Variants in ENAH observed in about 807,000 individuals in gnomAD.
ENAH encodes the protein protein enabled homolog.
A neutral mutation model predicts 78.7 loss-of-function variants in ENAH; 23 were observed. The observed-to-expected ratio is 0.29, with a 90% CI of 0.21 to 0.41. ENAH has a LOEUF of 0.41. Ranked by LOEUF, ENAH falls within the 10% of genes least tolerant of loss-of-function variation. ENAH has a pLI of 1.00. For synonymous variants in ENAH, 226 were observed against 241.0 expected, an observed-to-expected ratio of 0.94 and a Z score of 0.58; for missense variants, 544 against 691.0, an observed-to-expected ratio of 0.79 and a Z score of 2.39.
chr1:225,544,571 C>T (rs2096604396), intron 3 of ENAH, among the ~76,000 whole-genome samples: 1 of 152,178 alleles, frequency 6.6e-6, no homozygotes, highest in Admixed American at 6.5e-5. Context: ...ATATTTATCA[C>T]AAAAATAGTA....
Position 225,652,823 on chromosome 1 carries a change from G to A in ENAH, c.-133C>T. The A allele has an allele frequency of 4.4e-6, 3 of 675,962 alleles. No homozygotes were observed. The highest frequency in any genetic ancestry group is 6.3e-6 in the Non-Finnish European group (3 of 472,478). The allele number at this position is 675,962 out of a possible 1,614,324, so 41.9% of individuals were successfully genotyped here. ...CAAGTGTCCGGCTCCTCCTTCGGCG[G>A]CCAGGGGGCTACACCATCTCCTCGC... On this transcript the variant is annotated 5_prime_UTR_variant, in exon 1 of 14. Transcript: ENST00000366843.
intron 1 of ENAH, among the ~76,000 whole-genome samples, chr1:225,583,433 CAAAAAAAA>C (rs67324652): frequency 2.0e-5 from 2 of 100,568 alleles, no homozygotes; most frequent in Non-Finnish European, 4.0e-5. Flanking sequence ...GACCCTGTAT[CAAAAAAAA>C]AAAAAAAAAA....
chr1:225,543,447 T>C (rs1231941651), intron 3 of ENAH, among the ~76,000 whole-genome samples: 5 of 152,256 alleles, frequency 3.3e-5, no homozygotes, highest in African/African-American at 9.6e-5. Context: ...ATTTGTTTTC[T>C]CATGTGAATC....
chr1:225,579,141 G>T (rs1003771683), intron 1 of ENAH, among the ~76,000 whole-genome samples: 1 of 152,126 alleles, frequency 6.6e-6, no homozygotes, highest in Non-Finnish European at 1.5e-5. Flanking sequence ...CATACTGTAG[G>T]GAGAGGCAGA....
At chr1:225,598,309 A>G (rs1039117954) in intron 1 of ENAH, among the ~76,000 whole-genome samples, 1 of 152,118 alleles carries the variant, frequency 6.6e-6, no homozygotes, top group Non-Finnish European at 1.5e-5. Context: ...AGAGTGAAAA[A>G]TAGAAGAAGA....
intron 1 of ENAH, among the ~76,000 whole-genome samples, chr1:225,596,391 T>C (rs750011095): frequency 6.6e-5 from 10 of 152,180 alleles, no homozygotes; most frequent in Non-Finnish European, 1.0e-4. Flanking sequence ...AAGTTGAGTT[T>C]AGCCCTCTCT....
At chr1:225,610,580 T>C (rs74521838) in intron 1 of ENAH, among the ~76,000 whole-genome samples, 2,460 of 152,248 alleles carry the variant, frequency 0.016, 32 homozygotes, top group Non-Finnish European at 0.024. Context: ...TCAAGAGAGC[T>C]GACTTCCAAT....
intron 3 of ENAH, among the ~76,000 whole-genome samples, chr1:225,554,302 C>T (rs1279042667): frequency 6.6e-6 from 1 of 152,106 alleles, no homozygotes; most frequent in Non-Finnish European, 1.5e-5. Context: ...TTATCCTTGA[C>T]ATATGTACAG....
intron 1 of ENAH, among the ~76,000 whole-genome samples, chr1:225,571,794 C>A (rs2096763871): frequency 6.6e-6 from 1 of 152,110 alleles, no homozygotes; most frequent in Non-Finnish European, 1.5e-5. Context: ...GGTCAGAGGG[C>A]TTCCAGGTTG....
chr1:225,562,473 G>A (rs1249194106), intron 2 of ENAH, among the ~76,000 whole-genome samples: 5 of 150,282 alleles, frequency 3.3e-5, no homozygotes, highest in African/African-American at 9.8e-5. Flanking sequence ...TCGGGAGGCT[G>A]AGGCAGGAGA....
intron 9 of ENAH, 130 bp downstream of exon 9, chr1:225,512,527 A>T: frequency 2.3e-6 from 2 of 856,574 alleles, no homozygotes; most frequent in Non-Finnish European, 3.5e-6. Flanking sequence ...TCACATGCAT[A>T]GTTAAAAATT....
chr1:225,540,190 G>T (rs1216165219), intron 3 of ENAH, among the ~76,000 whole-genome samples: 47 of 152,136 alleles, frequency 3.1e-4, no homozygotes. Context: ...ATGCGAGTGG[G>T]CAACAGAGAG....
intron 3 of ENAH, among the ~76,000 whole-genome samples, chr1:225,548,013 GAC>G (rs1303245139): frequency 6.6e-6 from 1 of 152,112 alleles, no homozygotes; most frequent in Non-Finnish European, 1.5e-5. Context: ...GATCTGTGAG[GAC>G]AAGACTTGTG....
At chr1:225,544,716 T>A (rs1282365829) in intron 3 of ENAH, among the ~76,000 whole-genome samples, 1 of 152,178 alleles carries the variant, frequency 6.6e-6, no homozygotes, top group East Asian at 1.9e-4. Context: ...CCCAGACAGT[T>A]AGTGAACAAG....
intron 6 of ENAH, among the ~76,000 whole-genome samples, chr1:225,515,987 T>G (rs528390298): frequency 6.6e-6 from 1 of 152,324 alleles, no homozygotes; most frequent in South Asian, 2.1e-4. Flanking sequence ...AATATATACA[T>G]ATACAGCAAT....
intron 1 of ENAH, among the ~76,000 whole-genome samples, chr1:225,595,424 T>C (rs953436324): frequency 3.9e-5 from 6 of 152,102 alleles, no homozygotes; most frequent in Non-Finnish European, 7.3e-5. Flanking sequence ...GTTACTCTAA[T>C]TGCTATCAAA....
rs770765783 is a variant in ENAH, at chr1:225,530,595, A to G, written c.393T>C (p.Val131=). ...ATTCTTCTTGGGATGGGCCATTTTGAACTTGAGCAGGTAGTTGTGAGTTTT... is the reference window on the plus strand; with the variant it reads ...ATTCTTCTTGGGATGGGCCATTTTGGACTTGAGCAGGTAGTTGTGAGTTTT... ...PRQNSQLPAQ[V]QNGPSQEELE... The change falls in exon 4 of 14, where the codon GTT becomes GTC. Residue 131 remains valine (V), a synonymous_variant. Coordinates refer to ENST00000366843, the MANE Select transcript of ENAH (RefSeq NM_018212.6). The G allele has an allele frequency of 6.2e-7, 1 of 1,613,552 alleles. No individual in the cohort carries two copies. The highest frequency in any genetic ancestry group is 1.3e-5 in the African/African-American group (1 of 74,900).
At chr1:225,603,431 TAATA>T (rs1220436847) in intron 1 of ENAH, among the ~76,000 whole-genome samples, 21 of 152,132 alleles carry the variant, frequency 1.4e-4, no homozygotes, top group Admixed American at 1.4e-3. Context: ...TTTATTAATT[TAATA>T]ATTACACATT....
chr1:225,599,402 G>GA (rs2096918654), intron 1 of ENAH, among the ~76,000 whole-genome samples: 1 of 152,178 alleles, frequency 6.6e-6, no homozygotes, highest in Admixed American at 6.6e-5. Flanking sequence ...TCCAGAGTAT[G>GA]ATAACTGTAC....
Sources: gnomAD v4.1 joint callset for allele counts (sites outside exome capture counted in the v4.1 genomes callset) on GRCh38, gnomAD v4.1.1 for gene constraint, MANE v1.5 for transcripts, NCBI Gene and HGNC (gene_info 2026-07-23, HGNC 2026-07-21) for gene names.